FRMPD4: variants seen among roughly 807,000 people sequenced by gnomAD.
FRMPD4 encodes the protein FERM and PDZ domain-containing protein 4.
A neutral mutation model predicts 94.1 loss-of-function variants in FRMPD4; 22 were observed. That is an observed-to-expected ratio of 0.23 (90% CI 0.17 to 0.33). The LOEUF (loss-of-function observed/expected upper bound fraction) is 0.33. FRMPD4 is among the 10% of genes least tolerant of loss of function. FRMPD4 has a pLI of 1.00. For missense variants in FRMPD4, 1,111 were observed against 1,339.9 expected (o/e 0.83, Z 2.67); for synonymous variants, 631 against 548.6 (o/e 1.15, Z -2.10).
intron 1 of FRMPD4, among the ~76,000 whole-genome samples, chrX:12,263,760 A>G (rs745835002): frequency 9.0e-6 from 1 of 110,554 alleles, no homozygotes; most frequent in Admixed American, 9.6e-5. Flanking sequence ...TTGTGTTGCT[A>G]TAACAGAATA....
intron 1 of FRMPD4, among the ~76,000 whole-genome samples, chrX:12,212,954 A>T (rs1238823764): frequency 9.0e-6 from 1 of 111,174 alleles, no homozygotes; most frequent in Non-Finnish European, 1.9e-5. Flanking sequence ...AGGACCCTTG[A>T]TTTCTTTCAT....
intron 3 of FRMPD4, among the ~76,000 whole-genome samples, chrX:11,922,001 G>A (rs956684006): frequency 3.5e-4 from 39 of 111,664 alleles, no homozygotes; most frequent in African/African-American, 1.1e-3. Context: ...TGATTTATTC[G>A]GAGATTTTAG....
chrX:11,926,145 G>C (rs2054086467), intron 3 of FRMPD4, among the ~76,000 whole-genome samples: 2 of 108,229 alleles, frequency 1.8e-5, no homozygotes, highest in South Asian at 8.1e-4. Flanking sequence ...TAGAAGAAAT[G>C]GATGAATTCC....
chrX:11,884,037 G>A (rs181525089), intron 3 of FRMPD4, among the ~76,000 whole-genome samples: 2 of 111,632 alleles, frequency 1.8e-5, no homozygotes, highest in Non-Finnish European at 1.9e-5. Context: ...CATCTCCCCT[G>A]TGGTGGAGTT....
At chrX:12,415,186 G>A (rs998626492) in intron 1 of FRMPD4, among the ~76,000 whole-genome samples, 31 of 111,556 alleles carry the variant, frequency 2.8e-4, no homozygotes, top group African/African-American at 1.0e-3. Context: ...TTGATTCTTA[G>A]TTGATTTGTC....
intron 3 of FRMPD4, among the ~76,000 whole-genome samples, chrX:11,917,190 A>T (rs1170188236): frequency 1.8e-5 from 2 of 112,635 alleles, no homozygotes; most frequent in Admixed American, 1.9e-4. Context: ...CCACAATGAG[A>T]TAACATCTCA....
chrX:11,852,495 T>A (rs1031452763), intron 1 of FRMPD4, among the ~76,000 whole-genome samples: 33 of 108,828 alleles, frequency 3.0e-4, no homozygotes, highest in African/African-American at 1.0e-3. Context: ...TTCGTTATGA[T>A]TTCAGCCTTT....
At chrX:12,416,204 CCTTTCTCCTTCCTTCT>C (rs1485601104) in intron 1 of FRMPD4, among the ~76,000 whole-genome samples, 1 of 109,027 alleles carries the variant, frequency 9.2e-6, no homozygotes, top group African/African-American at 3.3e-5. Flanking sequence ...TCCTTTCTTC[CCTTTCTCCTTCCTTCT>C]TTTTTCTTTC....
chrX:12,471,373 C>T (rs949803707), intron 1 of FRMPD4, among the ~76,000 whole-genome samples: 6 of 111,679 alleles, frequency 5.4e-5, no homozygotes, highest in Non-Finnish European at 9.4e-5. Context: ...ATAAGAAGCA[C>T]GAAAAATACA....
chrX:12,252,925 G>T (rs900254502), intron 1 of FRMPD4, among the ~76,000 whole-genome samples: 4 of 111,377 alleles, frequency 3.6e-5, no homozygotes, highest in Admixed American at 9.5e-5. Context: ...AATATATAAA[G>T]GAATTCAAAT....
At position 12,366,066 on chromosome X, in the gene FRMPD4, G is replaced by A. The variant is rs1217992074; in HGVS notation, c.42-132614G>A. Among the ~76,000 whole-genome samples the A allele has an allele frequency of 2.7e-5, 3 of 112,264 alleles. No individual in the cohort carries two copies. In the East Asian group the frequency reaches 8.4e-4, roughly 31 times the overall value. On this transcript the variant is annotated intron_variant, in intron 1 of 16. Transcript: ENST00000675598. Reference sequence around the variant, plus strand: ...GCCTTATGATAGGGGTTGGGATAGAGTTGGAGAAACTTGAGGCAGGAAGCT... The same window carrying A: ...GCCTTATGATAGGGGTTGGGATAGAATTGGAGAAACTTGAGGCAGGAAGCT...
chrX:12,352,484 C>T (rs1246051568), intron 1 of FRMPD4, among the ~76,000 whole-genome samples: 2 of 112,243 alleles, frequency 1.8e-5, no homozygotes, highest in African/African-American at 6.5e-5. Flanking sequence ...AGGAACTCTA[C>T]AGATTATTAA....
intron 1 of FRMPD4, among the ~76,000 whole-genome samples, chrX:11,832,503 C>A (rs149220700): frequency 1.8e-3 from 203 of 111,206 alleles, no homozygotes; most frequent in East Asian, 6.5e-3. Flanking sequence ...CTTTAAAATA[C>A]CTTTCTGTCC....
chrX:12,481,226 A>G (rs768283072), intron 1 of FRMPD4, among the ~76,000 whole-genome samples: 2 of 110,370 alleles, frequency 1.8e-5, no homozygotes, highest in Non-Finnish European at 3.8e-5. Context: ...CAGCTTTTCT[A>G]TTGTCAGGAT....
chrX:12,499,903 G>A (rs967718792), intron 2 of FRMPD4, among the ~76,000 whole-genome samples: 1 of 111,832 alleles, frequency 8.9e-6, no homozygotes, highest in African/African-American at 3.3e-5. Flanking sequence ...GCGTGGAGTT[G>A]CTGAAACATA....
rs762650329 is a variant in FRMPD4 at position 12,491,166 on chromosome X, C to T, written c.42-7514C>T. ...CCAAGAATCCACATGGAATCATAACCGTTTTCTAGTTTCATTTGTTTAAAA... is the reference window on the plus strand; with the variant it reads ...CCAAGAATCCACATGGAATCATAACTGTTTTCTAGTTTCATTTGTTTAAAA... On this transcript the variant is annotated intron_variant, in intron 1 of 16. Coordinates refer to ENST00000675598, the MANE Select transcript of FRMPD4 (RefSeq NM_001368397.1). 2.7e-5 allele frequency among the ~76,000 whole-genome samples: 3 copies of T among 110,719 alleles called. No individual in the cohort carries two copies. The Admixed American group carries it at 2.9e-4, about 11-fold the overall frequency.
intron 1 of FRMPD4, among the ~76,000 whole-genome samples, chrX:12,313,584 A>G (rs2055068633): frequency 8.9e-6 from 1 of 112,590 alleles, no homozygotes; most frequent in African/African-American, 3.2e-5. Context: ...AAAACTTTGA[A>G]TTTTGAGAGG....
intron 3 of FRMPD4, among the ~76,000 whole-genome samples, chrX:12,070,616 A>G (rs748251687): frequency 8.9e-6 from 1 of 112,124 alleles, no homozygotes; most frequent in South Asian, 3.7e-4. Flanking sequence ...CCACACCACT[A>G]AAGTGAACCA....
At position 12,404,555 on chromosome X, in the gene FRMPD4, A is replaced by C. The variant is rs182678362; in HGVS notation, c.42-94125A>C. Reference sequence around the variant, plus strand: ...GAATTAAAAGTCTGGGTAAAGTCCAAATAACCCTTTTGGGAAAGTTTTTCT... The same window carrying C: ...GAATTAAAAGTCTGGGTAAAGTCCACATAACCCTTTTGGGAAAGTTTTTCT... On this transcript the variant is annotated intron_variant, in intron 1 of 16. Transcript: ENST00000675598. Among the ~76,000 whole-genome samples the C allele has an allele frequency of 3.8e-3, 425 of 111,890 alleles. 1 individual carries two copies. Among genetic ancestry groups the C allele is most frequent in the Admixed American group, 0.011 (117 of 10,522 alleles).
Sources: gnomAD v4.1 joint callset for allele counts (sites outside exome capture counted in the v4.1 genomes callset) on GRCh38, gnomAD v4.1.1 for gene constraint, MANE v1.5 for transcripts, NCBI Gene and HGNC (gene_info 2026-07-23, HGNC 2026-07-21) for gene names.